The following SPACA9 variants were observed in gnomAD, a reference collection of about 807,000 sequenced individuals.
SPACA9 encodes sperm acrosome-associated protein 9.
A neutral mutation model predicts 12.5 loss-of-function variants in SPACA9; 14 were observed. The ratio of observed to expected loss-of-function variants is 1.12; its 90% CI spans 0.74 to 1.75. SPACA9 has a LOEUF of 1.75. SPACA9 is among the 40% of genes most tolerant of loss of function. The pLI is 0.00. For missense variants in SPACA9, 292 were observed against 291.9 expected (o/e 1.00, Z 0.00); for synonymous variants, 111 against 114.1 (o/e 0.97, Z 0.17).
In SPACA9 at chr9:132,888,599, T is replaced by C. The variant is rs1449085038; in HGVS notation, c.657T>C (p.Gly219=). The stretch of plus-strand genomic sequence containing the variant: ...CAAAACCACCCTGGAGGCCTCCTGG[T>C]GGGAAATTGTAACTCAGAGCCAGGA... ...GCSKPPWRPP[G]GKL Residue 219 remains glycine (G), a synonymous_variant, in exon 4 of 4, where the codon GGT becomes GGC. Coordinates refer to ENST00000356311, the MANE Select transcript of SPACA9 (RefSeq NM_001316897.2). This position sits in a 1 kb window ranked among gnomAD's most constrained non-coding sequence, Gnocchi z 5.0. 7.2e-6 allele frequency: 11 copies of C among 1,531,400 alleles called. No homozygotes were observed. The African/African-American group carries it at 1.4e-4, about 19-fold the overall frequency. 94.9% of individuals were successfully genotyped at this position (1,531,400 alleles called of 1,614,324 possible). A position where few individuals can be genotyped will look rare whatever the true frequency, so the allele number is the denominator to read the frequency against.
intron 1 of SPACA9, among the ~76,000 whole-genome samples, chr9:132,882,525 A>G (rs1417689517): frequency 1.4e-5 from 2 of 145,016 alleles, no homozygotes; most frequent in Non-Finnish European, 1.5e-5. Flanking sequence ...CAGTACTGCG[A>G]TCATGGCTCA....
Position 132,889,805 on chromosome 9 carries a change from T to G in SPACA9, c.*1194T>G. 7.5e-7 allele frequency: 1 copy of G among 1,324,622 alleles called. No homozygotes were observed. The highest frequency in any genetic ancestry group is 1.5e-5 in the African/African-American group (1 of 66,578). The allele number at this position is 1,324,622 out of a possible 1,614,324, so 82.1% of individuals were successfully genotyped here. A position where few individuals can be genotyped will look rare whatever the true frequency, so the allele number is the denominator to read the frequency against. On this transcript the variant is annotated 3_prime_UTR_variant, in exon 4 of 4. Transcript: ENST00000356311. ...GCCTTTACTTGGGAGAGGGAGACCA[T>G]GACAGAAGCCAGAATTCTGATTTTG...
chr9:132,880,102 G>C (rs1390966884), intron 1 of SPACA9, among the ~76,000 whole-genome samples: 1 of 152,244 alleles, frequency 6.6e-6, no homozygotes, highest in Non-Finnish European at 1.5e-5. Context: ...ATTTGCACTG[G>C]AGAGGTTTGT....
Position 132,887,535 on chromosome 9 carries a change from T to C in SPACA9, c.311T>C (p.Val104Ala), listed in dbSNP as rs371226528. 2 of 1,613,946 alleles carry C rather than the reference T, an allele frequency of 1.2e-6. No individual in the cohort carries two copies. The highest frequency in any genetic ancestry group is 1.3e-5 in the African/African-American group (1 of 74,888). The change falls in exon 3 of 4, where the codon GTT becomes GCT. Residue 104 changes from valine (V) to alanine (A), a missense_variant. Physicochemically the swap from Val to Ala is moderately conservative, Grantham distance 64. Coordinates refer to ENST00000356311, the MANE Select transcript of SPACA9 (RefSeq NM_001316897.2). The surrounding 1 kb of genome is among the most constrained non-coding windows in gnomAD (Gnocchi z 5.4). ...CTCCTGGAGAAATGCAAAACCCTCG[T>C]TAGCCAAAGCAACGACTTAAGCAGC... Reference protein sequence around the residue: ...NNLLEKCKTLVSQSNDLSSLR... With the variant: ...NNLLEKCKTLASQSNDLSSLR...
At position 132,884,032 on chromosome 9, in the gene SPACA9, C is replaced by A; in HGVS notation, c.85C>A (p.Leu29Met). The A allele has an allele frequency of 1.9e-6, 3 of 1,614,218 alleles. No individual in the cohort carries two copies. The highest frequency in any genetic ancestry group is 2.5e-6 in the Non-Finnish European group (3 of 1,180,042). ...GCAGCAGCTCACCTTCACCGCCGCT[C>A]TGGAGCACTGCAGGGAGAACGCCCA... is the stretch of plus-strand genomic sequence containing the variant. Reference protein sequence around the residue: ...QQQQLTFTAALEHCRENAHDK... With the variant: ...QQQQLTFTAAMEHCRENAHDK... The change falls in exon 2 of 4, where the codon CTG becomes ATG. Residue 29 changes from leucine (L) to methionine (M), a missense_variant. Leu to Met is a conservative substitution (Grantham distance 15). Coordinates refer to ENST00000356311, the MANE Select transcript of SPACA9 (RefSeq NM_001316897.2).
At position 132,888,691 on chromosome 9, in the gene SPACA9, C is replaced by G; in HGVS notation, c.*80C>G. On this transcript the variant is annotated 3_prime_UTR_variant, in exon 4 of 4. Transcript: ENST00000356311. The surrounding 1 kb of genome is among the most constrained non-coding windows in gnomAD (Gnocchi z 5.0). ...CTGGTTGGTCCTTTTTTCACTGGTA[C>G]CCATGGACCCTGCCACTTACTAACC... 1 of 1,459,274 alleles carries G rather than the reference C, an allele frequency of 6.9e-7. No individual in the cohort carries two copies. 90.4% of individuals were successfully genotyped at this position (1,459,274 alleles called of 1,614,324 possible).
At position 132,888,493 on chromosome 9, in the gene SPACA9, A is replaced by G. The variant is rs749189967; in HGVS notation, c.551A>G (p.Gln184Arg). Reference protein sequence around the residue: ...ESTRGAARPAQAIGTQPRATK... With the variant: ...ESTRGAARPARAIGTQPRATK... Reference sequence around the variant, plus strand: ...ACCAGGGGAGCCGCTCGTCCTGCCCAGGCCATAGGGACCCAGCCCAGGGCC... The same window carrying G: ...ACCAGGGGAGCCGCTCGTCCTGCCCGGGCCATAGGGACCCAGCCCAGGGCC... Residue 184 changes from glutamine to arginine, a missense_variant, in exon 4 of 4, where the codon CAG becomes CGG. By Grantham distance (43) the Gln-to-Arg change is conservative. Transcript: ENST00000356311. This position sits in a 1 kb window ranked among gnomAD's most constrained non-coding sequence, Gnocchi z 5.0. The G allele has an allele frequency of 1.2e-6, 2 of 1,602,856 alleles. No individual in the cohort carries two copies. The highest frequency in any genetic ancestry group is 1.7e-6 in the Non-Finnish European group (2 of 1,175,280).
intron 1 of SPACA9, among the ~76,000 whole-genome samples, chr9:132,881,582 G>A (rs573269752): frequency 5.8e-4 from 88 of 152,046 alleles, no homozygotes; most frequent in Admixed American, 1.4e-3. Flanking sequence ...CCTAGCTGAC[G>A]TGGTGAAATT....
At chr9:132,890,057 T>C (rs865822615), downstream of SPACA9, 1 of 1,349,012 alleles carries the variant, frequency 7.4e-7, no homozygotes, top group Middle Eastern at 2.0e-4. Context: ...TTTCCTGGGA[T>C]TTATCCCTGA....
rs59019466 is a variant in SPACA9 at position 132,887,138 on chromosome 9, TATCCATCCATCCATCCATCCATCC to T, written c.145-211_145-188del. ...CGATCCATTAATTTCATATCATATC[TATCCATCCATCCATCCATCCATCC>T]ATCCATCCATCCATCCATCTATAGA... On this transcript the variant is annotated intron_variant, in intron 2 of 3. Coordinates refer to ENST00000356311, the MANE Select transcript of SPACA9 (RefSeq NM_001316897.2). The surrounding 1 kb of genome is among the most constrained non-coding windows in gnomAD (Gnocchi z 5.4). Among the ~76,000 whole-genome samples the T allele has an allele frequency of 6.7e-6, 1 of 149,112 alleles. No homozygotes were observed. Among genetic ancestry groups the T allele is most frequent in the African/African-American group, 2.5e-5 (1 of 40,614 alleles).
At chr9:132,881,304 A>G (rs1042607025) in intron 1 of SPACA9, among the ~76,000 whole-genome samples, 57 of 151,340 alleles carry the variant, frequency 3.8e-4, no homozygotes, top group African/African-American at 1.4e-3. Flanking sequence ...GAAGAAAAAA[A>G]AAAAAAGAAA....
Position 132,889,352 on chromosome 9 carries a change from C to G in SPACA9, c.*741C>G, listed in dbSNP as rs1190479132. On this transcript the variant is annotated 3_prime_UTR_variant, in exon 4 of 4. Coordinates refer to ENST00000356311, the MANE Select transcript of SPACA9 (RefSeq NM_001316897.2). The stretch of plus-strand genomic sequence containing the variant: ...AGGCAAGGCACACGCTGTTTGCGAG[C>G]CAGGGATGCTCCCCTCCAGGATGGA... 1.0e-6 allele frequency: 1 copy of G among 985,400 alleles called. No homozygotes were observed. Among genetic ancestry groups the G allele is most frequent in the African/African-American group, 1.7e-5 (1 of 57,246 alleles). 61.0% of individuals were successfully genotyped at this position (985,400 alleles called of 1,614,324 possible). A position where few individuals can be genotyped will look rare whatever the true frequency, so the allele number is the denominator to read the frequency against.
chr9:132,882,132 C>G lies in SPACA9; in HGVS notation c.-37-1779C>G, dbSNP rs73550671. ...CCCTGGCCCAGGCCCACCCCCAGGG[C>G]AGCTGCGACTGTCCCTGTGTCTGTT... On this transcript the variant is annotated intron_variant, in intron 1 of 3. Transcript: ENST00000356311. Among the ~76,000 whole-genome samples the G allele has an allele frequency of 3.2e-3, 495 of 152,308 alleles. 4 individuals carry two copies. Among genetic ancestry groups the G allele is most frequent in the African/African-American group, 0.01 (419 of 41,578 alleles).
chr9:132,878,463 C>G, upstream of SPACA9: 1 of 1,221,678 alleles, frequency 8.2e-7, no homozygotes, highest in East Asian at 3.2e-5. This position sits in a 1 kb window ranked among gnomAD's most constrained non-coding sequence, Gnocchi z 4.7. Context: ...ACCCCGGCCT[C>G]GCTTTTCCCA....
chr9:132,888,780 T>G lies in SPACA9; in HGVS notation c.*169T>G. 1.4e-6 allele frequency: 2 copies of G among 1,398,624 alleles called. No individual in the cohort carries two copies. Among genetic ancestry groups the G allele is most frequent in the Non-Finnish European group, 1.9e-6 (2 of 1,079,984 alleles). 86.6% of individuals were successfully genotyped at this position (1,398,624 alleles called of 1,614,324 possible). On this transcript the variant is annotated 3_prime_UTR_variant, in exon 4 of 4. Transcript: ENST00000356311. The surrounding 1 kb of genome is among the most constrained non-coding windows in gnomAD (Gnocchi z 5.0). ...CTCTCTTCTTGCTTTAACTTCTTTT[T>G]TTTTTGAGACGGAGTCTCGCTCTGT...
chr9:132,888,461 G>A lies in SPACA9; in HGVS notation c.519G>A (p.Gln173=). The A allele has an allele frequency of 6.2e-7, 1 of 1,612,694 alleles. No individual in the cohort carries two copies. Among genetic ancestry groups the A allele is most frequent in the Non-Finnish European group, 8.5e-7 (1 of 1,179,546 alleles). ...ACGTGAGTGAGCCCCAGGCGCACCAGGAGAGCACCAGGGGAGCCGCTCGTC... is the reference window on the plus strand; with the variant it reads ...ACGTGAGTGAGCCCCAGGCGCACCAAGAGAGCACCAGGGGAGCCGCTCGTC... ...LQHVSEPQAH[Q]ESTRGAARPA... The change falls in exon 4 of 4, where the codon CAG becomes CAA. Residue 173 remains glutamine, a synonymous_variant. Transcript: ENST00000356311. The surrounding 1 kb of genome is among the most constrained non-coding windows in gnomAD (Gnocchi z 5.0).
At chr9:132,878,844 G>A (rs1233965990), upstream of SPACA9, 1 of 913,914 alleles carries the variant, frequency 1.1e-6, no homozygotes, top group Non-Finnish European at 1.3e-6. This position sits in a 1 kb window ranked among gnomAD's most constrained non-coding sequence, Gnocchi z 4.7. Context: ...TGGCACCGGC[G>A]GTAACAATCA....
Position 132,888,898 on chromosome 9 carries a change from G to C in SPACA9, c.*287G>C. 1 of 652,728 alleles carries C rather than the reference G, an allele frequency of 1.5e-6. No individual in the cohort carries two copies. Among genetic ancestry groups the C allele is most frequent in the Non-Finnish European group, 2.1e-6 (1 of 473,848 alleles). The allele number at this position is 652,728 out of a possible 1,614,324, so 40.4% of individuals were successfully genotyped here. A position where few individuals can be genotyped will look rare whatever the true frequency, so the allele number is the denominator to read the frequency against. On this transcript the variant is annotated 3_prime_UTR_variant, in exon 4 of 4. Coordinates refer to ENST00000356311, the MANE Select transcript of SPACA9 (RefSeq NM_001316897.2). The surrounding 1 kb of genome is among the most constrained non-coding windows in gnomAD (Gnocchi z 5.0). ...TTCTCCTGCCTCAGCCTCCCAAGTAGCTGGGACTACAGGCGCCCACCACCT... is the reference window on the plus strand; with the variant it reads ...TTCTCCTGCCTCAGCCTCCCAAGTACCTGGGACTACAGGCGCCCACCACCT...
rs146369012 is a variant in SPACA9 at position 132,884,083 on chromosome 9, A to G, written c.136A>G (p.Ile46Val). The G allele has an allele frequency of 3.1e-6, 5 of 1,613,478 alleles. No individual in the cohort carries two copies. Among genetic ancestry groups the G allele is most frequent in the Non-Finnish European group, 4.2e-6 (5 of 1,179,492 alleles). ...AHDKIRPISS[I>V]GQVQSYMEHY... ...CGACAAGATCCGGCCCATCTCCAGC[A>G]TTGGACAGGTGGGGCTCCCGACCCC... The change falls in exon 2 of 4, where the codon ATT becomes GTT. Residue 46 changes from isoleucine (I) to valine (V), a missense_variant. Coordinates refer to ENST00000356311, the MANE Select transcript of SPACA9 (RefSeq NM_001316897.2).
Sources: gnomAD v4.1 joint callset for allele counts (sites outside exome capture counted in the v4.1 genomes callset) on GRCh38, gnomAD v4.1.1 for gene constraint, Gnocchi (gnomAD v3.1) non-coding constraint, MANE v1.5 for transcripts, NCBI Gene and HGNC (gene_info 2026-07-23, HGNC 2026-07-21) for gene names.